FBN2: variants seen among roughly 807,000 people sequenced by gnomAD.
FBN2 encodes fibrillin 2, also known as fibrillin-2.
Under a neutral mutation model 355.6 loss-of-function variants are expected in FBN2, and 105 were observed. The ratio of observed to expected loss-of-function variants is 0.30; its 90% confidence interval spans 0.25 to 0.35. The LOEUF (loss-of-function observed/expected upper bound fraction) is 0.35, where lower values mean the gene tolerates loss of function less well. Ranked by LOEUF, FBN2 falls within the 10% of genes least tolerant of loss-of-function variation. The probability of loss-of-function intolerance (pLI) is 1.00; values close to 1 mark genes in which losing one functional copy is unlikely to be tolerated. For synonymous variants in FBN2, 1,350 were observed against 1,301.2 expected (o/e 1.04, Z -0.81); for missense variants, 3,280 against 3,758.7 (o/e 0.87, Z 3.33).
intron 5 of FBN2, among the ~76,000 whole-genome samples, chr5:128,512,375 T>A (rs1257458915): frequency 6.6e-6 from 1 of 151,670 alleles, no homozygotes. Context: ...TTAGCAGGGG[T>A]GGTGGCGCAT....
At chr5:128,478,135 G>A (rs1755054159) in intron 5 of FBN2, among the ~76,000 whole-genome samples, 5 of 152,198 alleles carry the variant, frequency 3.3e-5, no homozygotes, top group Admixed American at 3.3e-4. Context: ...TCGGCATTTA[G>A]CTTCTCTTCT....
At chr5:128,465,250 G>A (rs1372892180) in intron 5 of FBN2, among the ~76,000 whole-genome samples, 1 of 152,154 alleles carries the variant, frequency 6.6e-6, no homozygotes. Context: ...CATGAAATTT[G>A]TATTTCTGGC....
intron 48 of FBN2, among the ~76,000 whole-genome samples, chr5:128,292,977 G>T (rs1581193359): frequency 6.6e-6 from 1 of 152,106 alleles, no homozygotes; most frequent in East Asian, 1.9e-4. Context: ...TACAAAATAG[G>T]TCTCTCCCCT....
intron 5 of FBN2, among the ~76,000 whole-genome samples, chr5:128,498,507 G>A (rs1755715389): frequency 6.6e-6 from 1 of 152,074 alleles, no homozygotes; most frequent in Admixed American, 6.5e-5. Flanking sequence ...CACCAACCAA[G>A]CCCTCAAACT....
chr5:128,500,460 T>TTTTTTTTTTTC (rs1561487039), intron 5 of FBN2, among the ~76,000 whole-genome samples: 2 of 112,100 alleles, frequency 1.8e-5, no homozygotes, highest in African/African-American at 8.4e-5. Flanking sequence ...TTTTTTTTTT[T>TTTTTTTTTTTC]CAGACAGGGT....
At position 128,278,848 on chromosome 5, in the gene FBN2, T is replaced by C. The variant is rs370660834; in HGVS notation, c.7139-7A>G. 10 of 1,610,816 alleles carry C rather than the reference T, an allele frequency of 6.2e-6. No homozygotes were observed. In the African/African-American group the frequency reaches 1.2e-4, roughly 19 times the overall value. On this transcript the variant is annotated splice_region_variant and splice_polypyrimidine_tract_variant and intron_variant, in intron 56 of 64. Coordinates refer to ENST00000262464, the MANE Select transcript of FBN2 (RefSeq NM_001999.4). ...CAGAGACCCTGTCGATTGTCTGAAA[T>C]GGCAAAGTAGAAAGAGTTAAGGATG...
intron 7 of FBN2, among the ~76,000 whole-genome samples, chr5:128,416,135 C>T (rs924812851): frequency 2.6e-5 from 4 of 151,918 alleles, no homozygotes; most frequent in Admixed American, 6.6e-5. Flanking sequence ...AAGCAATTCT[C>T]CTGCTTCGGC....
rs907830590 is a variant in FBN2, at chr5:128,461,153, A to G, written c.826+3571T>C. ...ATTTATAAGGAACTTAAACATATTTATAAGAAAAAGACAAACAACCCCATC... is the reference window on the plus strand; with the variant it reads ...ATTTATAAGGAACTTAAACATATTTGTAAGAAAAAGACAAACAACCCCATC... On this transcript the variant is annotated intron_variant, in intron 6 of 64. Coordinates refer to ENST00000262464, the MANE Select transcript of FBN2 (RefSeq NM_001999.4). Among the ~76,000 whole-genome samples the G allele has an allele frequency of 3.9e-5, 6 of 152,334 alleles. No individual in the cohort carries two copies. In the Middle Eastern group the frequency reaches 0.02, roughly 518 times the overall value.
chr5:128,298,225 T>G (rs565053049), intron 48 of FBN2, among the ~76,000 whole-genome samples: 18 of 152,190 alleles, frequency 1.2e-4, no homozygotes, highest in African/African-American at 4.3e-4. Flanking sequence ...CTGATGGGCT[T>G]CCCTTTGAGG....
intron 5 of FBN2, among the ~76,000 whole-genome samples, chr5:128,480,466 C>A (rs1215434639): frequency 6.6e-6 from 1 of 152,060 alleles, no homozygotes; most frequent in Non-Finnish European, 1.5e-5. Context: ...AACAGGGGAG[C>A]TTTACTTATA....
intron 7 of FBN2, among the ~76,000 whole-genome samples, chr5:128,431,078 C>T (rs950475857): frequency 4.0e-5 from 6 of 151,612 alleles, no homozygotes; most frequent in African/African-American, 9.7e-5. Flanking sequence ...GCAGTCTAGA[C>T]AATAGTAGAG....
At chr5:128,516,535 C>T (rs1284736094) in intron 5 of FBN2, among the ~76,000 whole-genome samples, 1 of 152,106 alleles carries the variant, frequency 6.6e-6, no homozygotes, top group African/African-American at 2.4e-5. Flanking sequence ...GTCTGGAAAC[C>T]AGTCTGCCAA....
chr5:128,408,711 A>G lies in FBN2; in HGVS notation c.1041T>C (p.Arg347=), dbSNP rs1460172321. Residue 347 remains arginine (R), a synonymous_variant, in exon 8 of 65, where the codon CGT becomes CGC. Transcript: ENST00000262464. ...AGCCATCTGTTGAGGTTACATATCC[A>G]CGTGGACAAACACAAAAATAGCTTC... is the stretch of plus-strand genomic sequence containing the variant. ...TVGSYFCVCP[R]GYVTSTDGSR... 1.2e-6 allele frequency: 2 copies of G among 1,613,922 alleles called. No homozygotes were observed. Among genetic ancestry groups the G allele is most frequent in the Non-Finnish European group, 1.7e-6 (2 of 1,179,944 alleles).
intron 6 of FBN2, among the ~76,000 whole-genome samples, chr5:128,447,343 C>T (rs182057782): frequency 1.6e-3 from 241 of 152,264 alleles, no homozygotes; most frequent in African/African-American, 5.5e-3. Flanking sequence ...CAGCAAGAAA[C>T]AGCCCTGAGA....
At chr5:128,519,233 T>C in intron 5 of FBN2, 40 bp downstream of exon 5, 1 of 1,365,902 alleles carries the variant, frequency 7.3e-7, no homozygotes, top group Non-Finnish European at 1.0e-6. Context: ...TACAATAAAA[T>C]AGACTTCTTC....
At chr5:128,508,957 T>C (rs770047159) in intron 5 of FBN2, among the ~76,000 whole-genome samples, 1 of 152,084 alleles carries the variant, frequency 6.6e-6, no homozygotes, top group Non-Finnish European at 1.5e-5. Flanking sequence ...GACAAATAAT[T>C]TGTTGTTATT....
intron 5 of FBN2, among the ~76,000 whole-genome samples, chr5:128,509,230 T>G (rs1756045900): frequency 2.0e-5 from 3 of 152,194 alleles, no homozygotes; most frequent in Admixed American, 1.3e-4. Context: ...GTATTTAGTT[T>G]GCTGAAAGTT....
chr5:128,313,865 A>C (rs1046200945), intron 36 of FBN2, among the ~76,000 whole-genome samples: 8 of 151,190 alleles, frequency 5.3e-5, no homozygotes, highest in Admixed American at 4.0e-4. Context: ...AAAAAAAAAA[A>C]AAAAAAAAAA....
intron 5 of FBN2, among the ~76,000 whole-genome samples, chr5:128,516,435 G>C (rs1756282278): frequency 6.7e-6 from 1 of 149,694 alleles, no homozygotes; most frequent in African/African-American, 2.5e-5. Flanking sequence ...AGTGTGAAAA[G>C]AGAACTCCAA....
Sources: allele counts gnomAD v4.1 joint callset (sites outside exome capture counted in the v4.1 genomes callset), GRCh38; gene constraint gnomAD v4.1.1; transcripts MANE v1.5; gene names NCBI Gene and HGNC (gene_info 2026-07-23, HGNC 2026-07-21).